Variants in SPON1 observed in about 807,000 individuals in gnomAD.
SPON1 encodes the protein spondin 1.
Under a neutral mutation model 111.7 loss-of-function variants are expected in SPON1, and 52 were observed. That is an observed-to-expected ratio of 0.47 (90% CI 0.37 to 0.59). The LOEUF (loss-of-function observed/expected upper bound fraction) is 0.59. Ranked by LOEUF, SPON1 falls within the 20% of genes least tolerant of loss-of-function variation. The pLI is 0.00. For missense variants in SPON1, 957 were observed against 1,068.5 expected, an observed-to-expected ratio of 0.90 and a Z score of 1.46; for synonymous variants, 410 against 395.8, an observed-to-expected ratio of 1.04 and a Z score of -0.43.
intron 6 of SPON1, among the ~76,000 whole-genome samples, chr11:14,230,320 A>T (rs575562356): frequency 9.8e-5 from 15 of 152,294 alleles, no homozygotes; most frequent in African/African-American, 3.4e-4. Flanking sequence ...ATGAAGTGAA[A>T]TGTTATTACA....
chr11:14,265,441 C>T lies in SPON1; in HGVS notation c.2261-83C>T, dbSNP rs1475845004. ...TGAGCAGAGGAGGAGCCCAGACAAGCACATTTCACAGTTCTACTAGAGTTC... is the reference window on the plus strand; with the variant it reads ...TGAGCAGAGGAGGAGCCCAGACAAGTACATTTCACAGTTCTACTAGAGTTC... On this transcript the variant is annotated intron_variant, in intron 15 of 15. Transcript: ENST00000576479. 3 of 1,436,748 alleles carry T rather than the reference C, an allele frequency of 2.1e-6. No individual in the cohort carries two copies. The African/African-American group carries it at 4.3e-5, about 20-fold the overall frequency. The allele number at this position is 1,436,748 out of a possible 1,614,324, so 89.0% of individuals were successfully genotyped here. A position where few individuals can be genotyped will look rare whatever the true frequency, so the allele number is the denominator to read the frequency against.
At chr11:14,189,340 T>G (rs1007645772) in intron 6 of SPON1, among the ~76,000 whole-genome samples, 1 of 152,250 alleles carries the variant, frequency 6.6e-6, no homozygotes, top group Non-Finnish European at 1.5e-5. Flanking sequence ...CCACCTCTGA[T>G]GTCCAACCCC....
intron 5 of SPON1, among the ~76,000 whole-genome samples, chr11:14,122,933 A>C (rs201374318): frequency 7.5e-6 from 1 of 132,556 alleles, no homozygotes; most frequent in African/African-American, 2.9e-5. Flanking sequence ...TGCTCTTGTA[A>C]TTTTTTTTTT....
At chr11:14,113,206 A>C (rs1445910801) in intron 5 of SPON1, among the ~76,000 whole-genome samples, 3 of 152,212 alleles carry the variant, frequency 2.0e-5, no homozygotes, top group Admixed American at 6.5e-5. Context: ...CTCTAATCAT[A>C]AACAATCCCT....
intron 5 of SPON1, among the ~76,000 whole-genome samples, chr11:14,083,909 T>G (rs1848983746): frequency 6.6e-6 from 1 of 152,190 alleles, no homozygotes; most frequent in Admixed American, 6.5e-5. Context: ...CATTTGTCCT[T>G]TCAAGTGAAA....
intron 14 of SPON1, chr11:14,262,497 T>C: frequency 1.6e-6 from 1 of 612,580 alleles, no homozygotes; most frequent in Non-Finnish European, 2.9e-6. Context: ...ATAGAATGGG[T>C]GATGACCTGG....
At chr11:14,119,097 G>T (rs923447434) in intron 5 of SPON1, among the ~76,000 whole-genome samples, 12 of 152,156 alleles carry the variant, frequency 7.9e-5, no homozygotes, top group African/African-American at 2.7e-4. Flanking sequence ...ATGGAAACAG[G>T]AGGAGCATCC....
chr11:14,078,867 A>G (rs955939458), intron 4 of SPON1, among the ~76,000 whole-genome samples: 1 of 152,204 alleles, frequency 6.6e-6, no homozygotes, highest in Non-Finnish European at 1.5e-5. Flanking sequence ...TCTATCCATC[A>G]TGGATTTTAT....
chr11:14,209,943 G>A (rs1195912851), intron 6 of SPON1, among the ~76,000 whole-genome samples: 3 of 152,208 alleles, frequency 2.0e-5, no homozygotes, highest in Admixed American at 6.5e-5. Flanking sequence ...ACTTTTTAAT[G>A]ATCACCATTC....
chr11:14,263,637 A>G (rs1231590825), intron 15 of SPON1, among the ~76,000 whole-genome samples: 8 of 152,228 alleles, frequency 5.3e-5, no homozygotes, highest in African/African-American at 1.9e-4. Context: ...GAGCTGAGGA[A>G]TGAGCATCAT....
At chr11:14,086,626 G>A (rs1849008777) in intron 5 of SPON1, among the ~76,000 whole-genome samples, 1 of 152,098 alleles carries the variant, frequency 6.6e-6, no homozygotes, top group Non-Finnish European at 1.5e-5. Flanking sequence ...TTGTGTCTCT[G>A]TCAGGTTTTG....
At chr11:13,982,791 C>G in intron 1 of SPON1, 56 bp from the exon 2 acceptor site, 1 of 1,239,356 alleles carries the variant, frequency 8.1e-7, no homozygotes, top group South Asian at 1.3e-5. Flanking sequence ...TCCCATTTGA[C>G]AAATGGACAA....
chr11:14,257,711 T>C lies in SPON1; in HGVS notation c.1310-5T>C. ...CAGGGAAAACATGTCAAACACTCTT[T>C]CCAGATGACACCCCTGAAACCTGCA... On this transcript the variant is annotated splice_polypyrimidine_tract_variant and splice_region_variant and intron_variant, in intron 10 of 15. Transcript: ENST00000576479. 1 of 1,604,824 alleles carries C rather than the reference T, an allele frequency of 6.2e-7. No homozygotes were observed. Among genetic ancestry groups the C allele is most frequent in the Non-Finnish European group, 8.5e-7 (1 of 1,174,894 alleles).
rs1297102713 is a variant in SPON1, at chr11:14,228,138, G to A, written c.826-15194G>A. On this transcript the variant is annotated intron_variant, in intron 6 of 15. Coordinates refer to ENST00000576479, the MANE Select transcript of SPON1 (RefSeq NM_006108.4). This position sits in a 1 kb window ranked among gnomAD's most constrained non-coding sequence, Gnocchi z 4.2. ...AAATTAAATGACTGCTCACAATCTC[G>A]ATGCAATGCTGACCCTCGTAGCCTG... 1.3e-5 allele frequency among the ~76,000 whole-genome samples: 2 copies of A among 152,172 alleles called. No homozygotes were observed. The highest frequency in any genetic ancestry group is 1.9e-4 in the East Asian group (1 of 5,192).
chr11:13,986,680 A>G (rs1220392230), intron 2 of SPON1, among the ~76,000 whole-genome samples: 2 of 151,704 alleles, frequency 1.3e-5, no homozygotes, highest in African/African-American at 2.4e-5. Context: ...CGTCACCTAC[A>G]TTAGATATTT....
chr11:14,248,199 C>T (rs931189465), intron 7 of SPON1, among the ~76,000 whole-genome samples: 39 of 152,178 alleles, frequency 2.6e-4, no homozygotes, highest in Middle Eastern at 6.8e-3. Context: ...AGTGACCTTA[C>T]GGAGAATCCT....
intron 6 of SPON1, among the ~76,000 whole-genome samples, chr11:14,178,053 C>T (rs533597846): frequency 6.6e-6 from 1 of 150,922 alleles, no homozygotes; most frequent in African/African-American, 2.5e-5. Context: ...CAAACACACA[C>T]ACACACACAC....
At chr11:14,033,484 T>A (rs781814734) in intron 2 of SPON1, among the ~76,000 whole-genome samples, 1 of 151,616 alleles carries the variant, frequency 6.6e-6, no homozygotes, top group Non-Finnish European at 1.5e-5. Flanking sequence ...CAGATCAGAG[T>A]TGAGGAGGGG....
intron 6 of SPON1, among the ~76,000 whole-genome samples, chr11:14,199,247 C>G (rs903736093): frequency 6.6e-6 from 1 of 152,144 alleles, no homozygotes; most frequent in Non-Finnish European, 1.5e-5. Flanking sequence ...TTTCAATGTA[C>G]TTTTGAGGGA....
Sources: gnomAD v4.1 joint callset for allele counts (sites outside exome capture counted in the v4.1 genomes callset) on GRCh38, gnomAD v4.1.1 for gene constraint, Gnocchi (gnomAD v3.1) non-coding constraint, MANE v1.5 for transcripts, NCBI Gene and HGNC (gene_info 2026-07-23, HGNC 2026-07-21) for gene names.